Variants in WDR64 observed in about 807,000 individuals in gnomAD.
The protein encoded by WDR64 is WD repeat-containing protein 64.
A neutral mutation model predicts 139.3 loss-of-function variants in WDR64; 112 were observed. The ratio of observed to expected loss-of-function variants is 0.80; its 90% CI spans 0.69 to 0.94. The LOEUF (loss-of-function observed/expected upper bound fraction) is 0.94. Ranked by LOEUF, WDR64 falls within the 40% of genes least tolerant of loss-of-function variation. The pLI, the probability that WDR64 is intolerant of heterozygous loss-of-function variation, is 0.00. For missense variants in WDR64, 1,206 were observed against 1,293.1 expected, an observed-to-expected ratio of 0.93 and a Z score of 1.03; for synonymous variants, 444 against 437.7, an observed-to-expected ratio of 1.01 and a Z score of -0.18.
intron 26 of WDR64, among the ~76,000 whole-genome samples, chr1:241,795,863 T>C (rs1259615687): frequency 4.6e-5 from 7 of 152,232 alleles, no homozygotes; most frequent in Non-Finnish European, 8.8e-5. Context: ...TCTTAGATGT[T>C]ATCTTTCCTA....
intron 8 of WDR64, among the ~76,000 whole-genome samples, chr1:241,707,093 C>G (rs546611013): frequency 6.6e-6 from 1 of 152,156 alleles, no homozygotes. Flanking sequence ...TCATACCCAA[C>G]CCCTTCTCCC....
intron 2 of WDR64, among the ~76,000 whole-genome samples, chr1:241,665,079 T>C (rs1309405223): frequency 6.6e-6 from 1 of 152,000 alleles, no homozygotes; most frequent in Non-Finnish European, 1.5e-5. Context: ...AAGAAGACTT[T>C]AAAAAAACAA....
chr1:241,771,775 TAATG>T, intron 19 of WDR64, 78 bp downstream of exon 19: 1 of 858,914 alleles, frequency 1.2e-6, no homozygotes, highest in Non-Finnish European at 1.6e-6. Flanking sequence ...AGAGTATTCT[TAATG>T]AATATATATA....
At chr1:241,712,815 A>G (rs1283162488) in intron 9 of WDR64, among the ~76,000 whole-genome samples, 1 of 151,796 alleles carries the variant, frequency 6.6e-6, no homozygotes, top group Non-Finnish European at 1.5e-5. Context: ...TGCTAGTCTC[A>G]GCTACTCAAG....
intron 8 of WDR64, among the ~76,000 whole-genome samples, chr1:241,697,416 G>T (rs1266642278): frequency 6.6e-6 from 1 of 152,052 alleles, no homozygotes; most frequent in Non-Finnish European, 1.5e-5. Flanking sequence ...ATCTTCTCCA[G>T]GATCTTGCTG....
chr1:241,680,834 A>G (rs2148103295), intron 6 of WDR64, among the ~76,000 whole-genome samples: 1 of 152,044 alleles, frequency 6.6e-6, no homozygotes, highest in Non-Finnish European at 1.5e-5. Flanking sequence ...TCACTGGCCC[A>G]TTTCTTGTAA....
At chr1:241,668,951 T>A (rs375654413) in intron 2 of WDR64, among the ~76,000 whole-genome samples, 6 of 151,932 alleles carry the variant, frequency 3.9e-5, no homozygotes, top group Admixed American at 3.9e-4. Flanking sequence ...TTAGAGGCTG[T>A]GGTCTGGATT....
Position 241,726,478 on chromosome 1 carries a change from C to T in WDR64, c.1194+3042C>T, listed in dbSNP as rs56007279. The stretch of plus-strand genomic sequence containing the variant: ...AACTCACAGAACCTTACACTAAAAG[C>T]GGGTGAGTTTTAAGGTAAGTAGATT... On this transcript the variant is annotated intron_variant, in intron 10 of 27. Transcript: ENST00000437684. 9.2e-5 allele frequency among the ~76,000 whole-genome samples: 14 copies of T among 151,720 alleles called. No individual in the cohort carries two copies. In the South Asian group the frequency reaches 1.5e-3, roughly 16 times the overall value.
intron 9 of WDR64, 85 bp downstream of exon 9, chr1:241,711,966 T>A (rs1157075349): frequency 7.8e-7 from 1 of 1,275,648 alleles, no homozygotes; most frequent in African/African-American, 1.5e-5. Flanking sequence ...AAGAACACAT[T>A]AGGGAATTTA....
chr1:241,775,817 CAA>C (rs1171481444), intron 21 of WDR64, among the ~76,000 whole-genome samples: 1 of 152,086 alleles, frequency 6.6e-6, no homozygotes, highest in African/African-American at 2.4e-5. Flanking sequence ...TGTTTATCTT[CAA>C]GTTTGTCAAA....
intron 1 of WDR64, 148 bp from the exon 2 acceptor site, chr1:241,660,382 C>A (rs779604331): frequency 9.1e-6 from 9 of 991,414 alleles, no homozygotes; most frequent in East Asian, 2.7e-5. Context: ...TAGGATTGTG[C>A]AAAGACAAGG....
rs138513526 is a variant in WDR64 at position 241,784,976 on chromosome 1, A to AAAAAAAAAG, written c.2705+1595_2705+1596insAAAAAAAAG. ...CTGAAAAAAAAAAAAAAAAAAAAAA[A>AAAAAAAAAG]GAAAGGACATCTGCTGTTTTATTTG... On this transcript the variant is annotated intron_variant, in intron 23 of 27. Coordinates refer to ENST00000437684, the MANE Select transcript of WDR64 (RefSeq NM_001367482.1). Among the ~76,000 whole-genome samples the AAAAAAAAAG allele has an allele frequency of 2.0e-4, 20 of 98,454 alleles. 4 individuals carry two copies. Among genetic ancestry groups the AAAAAAAAAG allele is most frequent in the African/African-American group, 3.2e-4 (9 of 28,090 alleles). 64.6% of individuals were successfully genotyped at this position (98,454 alleles called of 152,430 possible).
chr1:241,762,495 C>A (rs1440637018), intron 15 of WDR64, among the ~76,000 whole-genome samples: 1 of 152,064 alleles, frequency 6.6e-6, no homozygotes, highest in Admixed American at 6.6e-5. Context: ...AAAACTGTAC[C>A]TTTTTGTTCC....
chr1:241,660,571 C>G lies in WDR64; in HGVS notation c.187C>G (p.Leu63Val). 1 of 1,551,800 alleles carries G rather than the reference C, an allele frequency of 6.4e-7. No homozygotes were observed. The highest frequency in any genetic ancestry group is 8.7e-7 in the Non-Finnish European group (1 of 1,146,886). ...YDKFYASVQKLFGPDVKNQDV... is the reference protein window; with the variant it reads ...YDKFYASVQKVFGPDVKNQDV... Reference sequence around the variant, plus strand: ...CAAGTTTTATGCATCGGTACAGAAGCTCTTTGGTCCAGATGTGAAGAATCA... The same window carrying G: ...CAAGTTTTATGCATCGGTACAGAAGGTCTTTGGTCCAGATGTGAAGAATCA... Residue 63 changes from leucine to valine, a missense_variant, in exon 2 of 28, where the codon CTC becomes GTC. Physicochemically the swap from Leu to Val is conservative, Grantham distance 32. Transcript: ENST00000437684.
At chr1:241,666,269 A>G (rs1380060175) in intron 2 of WDR64, among the ~76,000 whole-genome samples, 2 of 152,238 alleles carry the variant, frequency 1.3e-5, no homozygotes, top group Admixed American at 1.3e-4. Context: ...GGCTCATCAC[A>G]GGAGAAACGG....
intron 1 of WDR64, among the ~76,000 whole-genome samples, chr1:241,658,284 G>GTGTGT (rs1553360009): frequency 6.8e-6 from 1 of 147,164 alleles, no homozygotes; most frequent in Non-Finnish European, 1.5e-5. Context: ...TTCAAGCAAT[G>GTGTGT]GTGTGTGTGT....
At chr1:241,784,045 A>G (rs368684185) in intron 23 of WDR64, among the ~76,000 whole-genome samples, 118 of 152,322 alleles carry the variant, frequency 7.7e-4, no homozygotes, top group African/African-American at 2.8e-3. Flanking sequence ...ATTTCAATGG[A>G]ATCAAAACCA....
chr1:241,684,616 GT>G (rs1666939073), intron 7 of WDR64, among the ~76,000 whole-genome samples: 1 of 152,196 alleles, frequency 6.6e-6, no homozygotes, highest in Non-Finnish European at 1.5e-5. Context: ...ACATTAGTTG[GT>G]GGTAAAAGTA....
rs575900731 is a variant in WDR64 at position 241,785,157 on chromosome 1, C to T, written c.2705+1776C>T. On this transcript the variant is annotated intron_variant, in intron 23 of 27. Coordinates refer to ENST00000437684, the MANE Select transcript of WDR64 (RefSeq NM_001367482.1). Reference sequence around the variant, plus strand: ...CAGACGCACACACATGGCACAACCACATATGTACATGCCACTGTTGTTGTA... The same window carrying T: ...CAGACGCACACACATGGCACAACCATATATGTACATGCCACTGTTGTTGTA... Among the ~76,000 whole-genome samples the T allele has an allele frequency of 1.7e-4, 26 of 152,178 alleles. No individual in the cohort carries two copies. The South Asian group carries it at 5.2e-3, about 30-fold the overall frequency.
Sources: allele counts gnomAD v4.1 joint callset (sites outside exome capture counted in the v4.1 genomes callset), GRCh38; gene constraint gnomAD v4.1.1; transcripts MANE v1.5; gene names NCBI Gene and HGNC (gene_info 2026-07-23, HGNC 2026-07-21).